Variants in KLC1 observed in about 807,000 individuals in gnomAD.
The protein encoded by KLC1 is kinesin light chain 1, also known as kinesin 2 60/70kDa.
Under a neutral mutation model 84.2 loss-of-function variants are expected in KLC1, and 30 were observed. The ratio of observed to expected loss-of-function variants is 0.36; its 90% CI spans 0.27 to 0.48. The LOEUF is 0.48. KLC1 is among the 20% of genes least tolerant of loss of function. The pLI is 0.99. For synonymous variants in KLC1, 289 were observed against 293.3 expected (o/e 0.99, Z 0.15); for missense variants, 499 against 805.4 (o/e 0.62, Z 4.60).
At chr14:103,699,106 G>A (rs745370909) in intron 15 of KLC1, 2 of 1,569,900 alleles carry the variant, frequency 1.3e-6, no homozygotes, top group South Asian at 2.3e-5. Flanking sequence ...CTGCACAGAG[G>A]TGCACACACC....
intron 6 of KLC1, among the ~76,000 whole-genome samples, 169 bp from the exon 7 acceptor site, chr14:103,670,013 A>G (rs1376883409): frequency 2.6e-5 from 4 of 152,194 alleles, no homozygotes; most frequent in Admixed American, 2.6e-4. Flanking sequence ...TACTTTGTAT[A>G]ATCTATACTC....
intron 1 of KLC1, among the ~76,000 whole-genome samples, chr14:103,652,730 A>G (rs2078552505): frequency 6.6e-6 from 1 of 152,104 alleles, no homozygotes; most frequent in African/African-American, 2.4e-5. Context: ...TGACCTCGTG[A>G]TCTGCCCGCC....
intron 5 of KLC1, among the ~76,000 whole-genome samples, chr14:103,663,270 C>T (rs987481763): frequency 3.3e-5 from 5 of 151,942 alleles, no homozygotes; most frequent in East Asian, 1.9e-4. Flanking sequence ...TTAGTAAAGA[C>T]GGGGTTTCAT....
chr14:103,684,069 T>C (rs2081587336), intron 13 of KLC1: 1 of 152,180 alleles, frequency 6.6e-6, no homozygotes, highest in Non-Finnish European at 1.5e-5. Context: ...TCCCAGTTAC[T>C]CAGGAGGCTG....
At chr14:103,660,881 C>T (rs893401439) in intron 3 of KLC1, among the ~76,000 whole-genome samples, 1 of 152,100 alleles carries the variant, frequency 6.6e-6, no homozygotes, top group African/African-American at 2.4e-5. Flanking sequence ...TTGCAGATGT[C>T]GATGCCAGCA....
chr14:103,677,216 G>A (rs949593693), intron 11 of KLC1, among the ~76,000 whole-genome samples, 199 bp from the exon 12 acceptor site: 1 of 152,212 alleles, frequency 6.6e-6, no homozygotes, highest in South Asian at 2.1e-4. Context: ...TCTACAGGAC[G>A]GGCCAGGGTC....
intron 1 of KLC1, among the ~76,000 whole-genome samples, chr14:103,629,814 C>T (rs1012908720): frequency 3.3e-5 from 5 of 152,260 alleles, no homozygotes; most frequent in Admixed American, 6.5e-5. Flanking sequence ...AGGGCCCCGC[C>T]CTGGCCCCGC....
intron 14 of KLC1, among the ~76,000 whole-genome samples, chr14:103,690,175 C>T (rs1031172616): frequency 1.3e-5 from 2 of 149,100 alleles, no homozygotes; most frequent in African/African-American, 2.5e-5. Context: ...AGTGAAACTT[C>T]GTCTCAAAAA....
Position 103,654,807 on chromosome 14 carries a change from C to T in KLC1, c.243C>T (p.Leu81=), listed in dbSNP as rs780013689. 8 of 1,614,040 alleles carry T rather than the reference C, an allele frequency of 5.0e-6. No individual in the cohort carries two copies. In the East Asian group the frequency reaches 6.7e-5, roughly 13 times the overall value. ...GGAAGTCACTGGAGATGTTGGAGCT[C>T]GGCCTGAGTGAGGCACAGGTACGAG... The part of the protein sequence containing the change: ...MIRKSLEMLE[L]GLSEAQVMMA... The change falls in exon 2 of 17, where the codon CTC becomes CTT. Residue 81 remains leucine, a synonymous_variant. Coordinates refer to ENST00000334553, the MANE Select transcript of KLC1 (RefSeq NM_001394837.1).
intron 15 of KLC1, 50 bp from the exon 16 acceptor site, chr14:103,700,605 G>T (rs571706069): frequency 4.7e-6 from 7 of 1,503,712 alleles, no homozygotes; most frequent in Admixed American, 3.5e-5. Flanking sequence ...GAAGACGCCT[G>T]AGGGCCGCCT....
intron 3 of KLC1, among the ~76,000 whole-genome samples, chr14:103,661,051 G>C (rs1195424856): frequency 6.6e-6 from 1 of 152,146 alleles, no homozygotes; most frequent in Admixed American, 6.5e-5. Flanking sequence ...ACGAGTGCCT[G>C]TTTCTTCTGA....
At chr14:103,696,825 C>T (rs762401307) in intron 15 of KLC1, 105 of 985,372 alleles carry the variant, frequency 1.1e-4, no homozygotes, top group Non-Finnish European at 1.2e-4. Flanking sequence ...AGACCCATGG[C>T]CCTGGCCTGG....
At chr14:103,634,709 T>G (rs2151274379) in intron 1 of KLC1, among the ~76,000 whole-genome samples, 1 of 152,108 alleles carries the variant, frequency 6.6e-6, no homozygotes, top group East Asian at 1.9e-4. Flanking sequence ...GGATTTTGCT[T>G]CTAGGAGGTT....
intron 7 of KLC1, among the ~76,000 whole-genome samples, chr14:103,672,371 T>A (rs1316036793): frequency 2.0e-5 from 3 of 152,186 alleles, no homozygotes; most frequent in Non-Finnish European, 4.4e-5. Context: ...AGACCCCTTT[T>A]TCGATGCGGA....
chr14:103,657,603 C>T lies in KLC1; in HGVS notation c.319C>T (p.Arg107Cys), dbSNP rs760174989. ...NAVESEKQKL[R>C]AQVRRLCQEN... ...TGTGGAGTCCGAGAAGCAGAAACTG[C>T]GTGCGCAGGTTCGTCGTCTGTGCCA... Residue 107 changes from arginine to cysteine, a missense_variant, in exon 3 of 17, where the codon CGT becomes TGT. Physicochemically the swap from Arg to Cys is radical, Grantham distance 180 (BLOSUM62 -3). Coordinates refer to ENST00000334553, the MANE Select transcript of KLC1 (RefSeq NM_001394837.1). 20 of 1,614,044 alleles carry T rather than the reference C, an allele frequency of 1.2e-5. No homozygotes were observed. Among genetic ancestry groups the T allele is most frequent in the Admixed American group, 5.0e-5 (3 of 59,994 alleles).
At position 103,697,004 on chromosome 14, in the gene KLC1, G is replaced by A. The variant is rs796378171; in HGVS notation, c.1849-3651G>A. 4.5e-5 allele frequency: 44 copies of A among 985,460 alleles called. No homozygotes were observed. In the African/African-American group the frequency reaches 5.6e-4, roughly 12 times the overall value. 61.0% of individuals were successfully genotyped at this position (985,460 alleles called of 1,614,324 possible). A position where few individuals can be genotyped will look rare whatever the true frequency, so the allele number is the denominator to read the frequency against. ...GAACTGAGCCAGCATGGGCGGGGCCGGCCGAGCTTCCAGGCGTGTTTTCTC... is the reference window on the plus strand; with the variant it reads ...GAACTGAGCCAGCATGGGCGGGGCCAGCCGAGCTTCCAGGCGTGTTTTCTC... On this transcript the variant is annotated intron_variant, in intron 15 of 16. Coordinates refer to ENST00000334553, the MANE Select transcript of KLC1 (RefSeq NM_001394837.1).
At chr14:103,660,487 GA>G (rs111860410) in intron 3 of KLC1, among the ~76,000 whole-genome samples, 3,178 of 117,064 alleles carry the variant, frequency 0.027, 166 homozygotes, top group East Asian at 0.27. Flanking sequence ...TCTCAAAAAA[GA>G]AAAAAAAAAA....
intron 15 of KLC1, chr14:103,696,957 G>A (rs527789024): frequency 2.4e-4 from 237 of 985,418 alleles, no homozygotes; most frequent in Non-Finnish European, 2.7e-4. Flanking sequence ...GAAGCCCCTC[G>A]GCCCCTTCCC....
chr14:103,668,242 A>G (rs984252795), intron 5 of KLC1, among the ~76,000 whole-genome samples: 2 of 152,210 alleles, frequency 1.3e-5, no homozygotes, highest in Admixed American at 6.5e-5. Context: ...TCTGTCTGAA[A>G]CCAAATGCAA....
Sources: gnomAD v4.1 joint callset for allele counts (sites outside exome capture counted in the v4.1 genomes callset) on GRCh38, gnomAD v4.1.1 for gene constraint, MANE v1.5 for transcripts, NCBI Gene and HGNC (gene_info 2026-07-23, HGNC 2026-07-21) for gene names.